The following CLIC5 variants were observed in gnomAD, a reference collection of about 807,000 sequenced individuals.
The protein encoded by CLIC5 is chloride intracellular channel protein 5.
Under a neutral mutation model 24.7 loss-of-function variants are expected in CLIC5, and 20 were observed. The observed-to-expected ratio is 0.81, with a 90% CI of 0.57 to 1.18. The LOEUF (loss-of-function observed/expected upper bound fraction) is 1.18, where lower values mean the gene tolerates loss of function less well. Ranked by LOEUF, CLIC5 falls within the 50% of genes most tolerant of loss-of-function variation. The pLI, the probability that CLIC5 is intolerant of heterozygous loss-of-function variation, is 0.00. For synonymous variants in CLIC5, 159 were observed against 135.6 expected (o/e 1.17, Z -1.20); for missense variants, 341 against 326.1 (o/e 1.05, Z -0.35).
chr6:46,006,662 A>T (rs1179656228), intron 1 of CLIC5, among the ~76,000 whole-genome samples: 13 of 149,198 alleles, frequency 8.7e-5, no homozygotes, highest in African/African-American at 3.2e-4. Context: ...TCCCTCTCAA[A>T]TGATATTTCT....
intron 6 of CLIC5, among the ~76,000 whole-genome samples, chr6:45,881,774 A>G (rs1762264710): frequency 6.6e-6 from 1 of 152,146 alleles, no homozygotes; most frequent in Non-Finnish European, 1.5e-5. Flanking sequence ...CCTTTTAAAT[A>G]AGCCCTGTAA....
At chr6:46,009,498 C>G (rs1373334997) in intron 1 of CLIC5, among the ~76,000 whole-genome samples, 1 of 152,130 alleles carries the variant, frequency 6.6e-6, no homozygotes, top group Non-Finnish European at 1.5e-5. Flanking sequence ...TCTTAGGAAA[C>G]TCATGCTTAA....
chr6:45,905,025 C>A (rs913137660), intron 5 of CLIC5, among the ~76,000 whole-genome samples: 5 of 152,172 alleles, frequency 3.3e-5, no homozygotes, highest in Admixed American at 1.3e-4. Context: ...TGGCCTCCAG[C>A]TGCATCCATG....
chr6:46,110,301 G>A, the CLIC5 span, among the ~76,000 whole-genome samples: 1 of 152,072 alleles, frequency 6.6e-6, no homozygotes. Context: ...TGGCTCCCCT[G>A]GTGTCCCACC....
intron 2 of CLIC5, 102 bp from the exon 3 acceptor site, chr6:45,949,483 A>G (rs868816065): frequency 3.8e-6 from 5 of 1,302,470 alleles, no homozygotes; most frequent in Middle Eastern, 4.8e-4. Context: ...GCTATCCAAC[A>G]TGCCTGTCAG....
chr6:45,960,202 C>T (rs1247965480), intron 1 of CLIC5, among the ~76,000 whole-genome samples: 2 of 152,074 alleles, frequency 1.3e-5, no homozygotes, highest in Non-Finnish European at 2.9e-5. Context: ...GAAGGGGAAG[C>T]TGATAATTGG....
the CLIC5 span, among the ~76,000 whole-genome samples, chr6:46,121,339 C>G: frequency 8.3e-5 from 12 of 145,058 alleles, no homozygotes; most frequent in Admixed American, 6.9e-5. Flanking sequence ...CTAAGCTTCA[C>G]AAGTGAAGGA....
At position 45,912,797 on chromosome 6, in the gene CLIC5, A is replaced by G; in HGVS notation, c.588+1431T>C. On this transcript the variant is annotated intron_variant, in intron 5 of 5. Coordinates refer to ENST00000339561, the MANE Select transcript of CLIC5 (RefSeq NM_016929.5). Reference sequence around the variant, plus strand: ...GGGCATGCAGTAGTTAATAACTTCAAAGAGACATAGATTGGCTGGACCTAC... The same window carrying G: ...GGGCATGCAGTAGTTAATAACTTCAGAGAGACATAGATTGGCTGGACCTAC... The G allele has an allele frequency of 3.3e-6, 4 of 1,200,730 alleles. No individual in the cohort carries two copies. The South Asian group carries it at 5.2e-5, about 16-fold the overall frequency. The allele number at this position is 1,200,730 out of a possible 1,614,324, so 74.4% of individuals were successfully genotyped here.
At chr6:45,916,966 A>C (rs4714887) in intron 4 of CLIC5, among the ~76,000 whole-genome samples, 29,078 of 152,108 alleles carry the variant, frequency 0.19, 4,624 homozygotes, top group African/African-American at 0.44. Flanking sequence ...AAGGACTGCA[A>C]GGCCTGGGAC....
chr6:45,894,990 G>T (rs1762381414), downstream of CLIC5, among the ~76,000 whole-genome samples: 1 of 151,906 alleles, frequency 6.6e-6, no homozygotes, highest in Non-Finnish European at 1.5e-5. Flanking sequence ...GGACAGGAAG[G>T]TACGTTAGGT....
At chr6:46,014,963 A>G (rs1171980016) in intron 1 of CLIC5, among the ~76,000 whole-genome samples, 1 of 152,246 alleles carries the variant, frequency 6.6e-6, no homozygotes, top group East Asian at 1.9e-4. Flanking sequence ...CCAAGCAAGA[A>G]AACACTTTTG....
intron 5 of CLIC5, among the ~76,000 whole-genome samples, chr6:45,905,075 T>A (rs937365543): frequency 6.6e-6 from 1 of 152,188 alleles, no homozygotes; most frequent in African/African-American, 2.4e-5. Flanking sequence ...TACATGGCTA[T>A]GTAGTATTCC....
intron 1 of CLIC5, among the ~76,000 whole-genome samples, chr6:45,985,878 A>G (rs1765718098): frequency 6.6e-6 from 1 of 152,170 alleles, no homozygotes; most frequent in Admixed American, 6.5e-5. Context: ...CCCAAATCTC[A>G]TCTTGAATTG....
At chr6:46,079,677 G>T (rs896424891) in intron 1 of CLIC5, 4 of 1,534,196 alleles carry the variant, frequency 2.6e-6, no homozygotes, top group South Asian at 1.2e-5. Context: ...CATGAACAGG[G>T]TATGCCTGTC....
At chr6:45,893,832 C>A (rs1762372134), downstream of CLIC5, among the ~76,000 whole-genome samples, 1 of 152,120 alleles carries the variant, frequency 6.6e-6, no homozygotes, top group South Asian at 2.1e-4. Context: ...TGGGTTTGAC[C>A]TAAAATGGTA....
intron 1 of CLIC5, among the ~76,000 whole-genome samples, chr6:46,052,738 C>G (rs922206161): frequency 5.9e-5 from 9 of 151,900 alleles, no homozygotes; most frequent in Non-Finnish European, 1.2e-4. Flanking sequence ...GCACTGGGAG[C>G]CTTTTACCTG....
chr6:45,934,838 T>C (rs1262161519), intron 4 of CLIC5, among the ~76,000 whole-genome samples: 5 of 152,166 alleles, frequency 3.3e-5, no homozygotes, highest in Non-Finnish European at 4.4e-5. Flanking sequence ...GGAAACATGA[T>C]AGACCTGGAA....
intron 4 of CLIC5, among the ~76,000 whole-genome samples, chr6:45,929,578 G>A (rs1387857637): frequency 4.6e-5 from 7 of 152,256 alleles, no homozygotes; most frequent in African/African-American, 7.2e-5. Context: ...GACCAGAGGC[G>A]TTTTTGAAAG....
chr6:46,125,546 G>C, the CLIC5 span, among the ~76,000 whole-genome samples: 2 of 152,018 alleles, frequency 1.3e-5, no homozygotes, highest in Non-Finnish European at 2.9e-5. Flanking sequence ...TGCACGTTGT[G>C]CACATGTACC....
Sources: gnomAD v4.1 joint callset for allele counts (sites outside exome capture counted in the v4.1 genomes callset) on GRCh38, gnomAD v4.1.1 for gene constraint, MANE v1.5 for transcripts, NCBI Gene and HGNC (gene_info 2026-07-23, HGNC 2026-07-21) for gene names.